Variants in LRRC39 observed in about 807,000 individuals in gnomAD.
LRRC39 encodes the protein leucine-rich repeat-containing protein 39.
In LRRC39, 35 loss-of-function variants were observed where a neutral mutation model predicts 39.7. That is an observed-to-expected ratio of 0.88 (90% CI 0.67 to 1.17). The LOEUF (loss-of-function observed/expected upper bound fraction) is 1.17, where lower values mean the gene tolerates loss of function less well. Among genes scored for constraint, LRRC39 ranks in the 50% most tolerant of loss-of-function variants. The pLI is 0.00. For synonymous variants in LRRC39, 113 were observed against 134.1 expected, an observed-to-expected ratio of 0.84 and a Z score of 1.09; for missense variants, 357 against 385.8, an observed-to-expected ratio of 0.93 and a Z score of 0.62.
Position 100,148,835 on chromosome 1 carries a change from G to A in LRRC39, c.*207C>T, listed in dbSNP as rs761405899. ...CAACTGCTTAATGGAAAAGAAATTT[G>A]AGCATCATCTGTCTTCCACCAAAAA... On this transcript the variant is annotated 3_prime_UTR_variant, in exon 10 of 10. Coordinates refer to ENST00000370137, the MANE Select transcript of LRRC39 (RefSeq NM_144620.4). The A allele has an allele frequency of 2.1e-6, 3 of 1,423,990 alleles. No individual in the cohort carries two copies. The highest frequency in any genetic ancestry group is 2.8e-6 in the Non-Finnish European group (3 of 1,085,332). 88.2% of individuals were successfully genotyped at this position (1,423,990 alleles called of 1,614,324 possible).
At chr1:100,160,438 G>A (rs749156412) in intron 4 of LRRC39, 28 bp downstream of exon 4, 3 of 1,584,924 alleles carry the variant, frequency 1.9e-6, no homozygotes, top group Non-Finnish European at 2.6e-6. Context: ...GCAAAATGTG[G>A]AAAATCAAAT....
chr1:100,178,802 G>C (rs1660110224), upstream of LRRC39, among the ~76,000 whole-genome samples: 1 of 151,950 alleles, frequency 6.6e-6, no homozygotes, highest in Admixed American at 6.6e-5. Context: ...GAATTCAAAA[G>C]CTCAATCTCC....
chr1:100,168,002 T>A (rs1338736337), intron 3 of LRRC39, among the ~76,000 whole-genome samples: 1 of 151,982 alleles, frequency 6.6e-6, no homozygotes, highest in Non-Finnish European at 1.5e-5. Context: ...GATCAAGGAA[T>A]CAAGTGATCC....
intron 3 of LRRC39, among the ~76,000 whole-genome samples, chr1:100,163,201 G>A (rs1239026215): frequency 2.0e-5 from 3 of 152,046 alleles, no homozygotes; most frequent in Non-Finnish European, 4.4e-5. Flanking sequence ...TGGGCTTAAT[G>A]GTTATTATTA....
chr1:100,164,896 G>T (rs868706035), intron 3 of LRRC39, among the ~76,000 whole-genome samples: 46 of 151,794 alleles, frequency 3.0e-4, no homozygotes, highest in Middle Eastern at 3.4e-3. Flanking sequence ...TTAGAGATGG[G>T]GTCTCGCTAT....
chr1:100,179,556 A>C (rs1007709525), upstream of LRRC39, among the ~76,000 whole-genome samples: 1 of 146,894 alleles, frequency 6.8e-6, no homozygotes, highest in Non-Finnish European at 1.5e-5. Flanking sequence ...CCCTGTCTCC[A>C]TAAAAATAAA....
chr1:100,159,471 G>T, intron 4 of LRRC39, 56 bp from the exon 5 acceptor site: 1 of 1,335,568 alleles, frequency 7.5e-7, no homozygotes, highest in Non-Finnish European at 9.9e-7. Context: ...TTAGTATCAC[G>T]CCACCCTGAA....
chr1:100,153,216 T>G (rs558467992), intron 8 of LRRC39, among the ~76,000 whole-genome samples: 5 of 152,206 alleles, frequency 3.3e-5, no homozygotes, highest in Non-Finnish European at 7.3e-5. Flanking sequence ...ATTATTTTGT[T>G]ATCGAAGTTT....
intron 9 of LRRC39, chr1:100,150,096 A>T (rs1444491601): frequency 1.3e-5 from 2 of 152,464 alleles, no homozygotes; most frequent in African/African-American, 4.8e-5. Context: ...GGGGATGATG[A>T]TGATAACAAT....
intron 6 of LRRC39, 43 bp from the exon 7 acceptor site, chr1:100,156,360 G>C: frequency 1.3e-6 from 2 of 1,556,164 alleles, no homozygotes; most frequent in Non-Finnish European, 1.7e-6. Context: ...TGTCCACAAT[G>C]TAAACTACTA....
intron 3 of LRRC39, among the ~76,000 whole-genome samples, chr1:100,166,094 A>G (rs1659227312): frequency 6.6e-6 from 1 of 151,944 alleles, no homozygotes; most frequent in Non-Finnish European, 1.5e-5. Context: ...GTCATGTAAG[A>G]TGTCCCTTTG....
intron 3 of LRRC39, among the ~76,000 whole-genome samples, chr1:100,163,345 T>C (rs531749198): frequency 1.1e-4 from 16 of 152,222 alleles, no homozygotes; most frequent in Non-Finnish European, 2.1e-4. Context: ...TACAAAAAGC[T>C]CTGTTGTTAC....
rs536606034 is a variant in LRRC39 at position 100,155,217 on chromosome 1, G to A, written c.660-14C>T. On this transcript the variant is annotated splice_polypyrimidine_tract_variant and intron_variant, in intron 7 of 9. Transcript: ENST00000370137. The stretch of plus-strand genomic sequence containing the variant: ...AGATTTTGCATTCTGAAAAATTAAG[G>A]TTTCTACAATTAATTACATATAATA... 2.6e-6 allele frequency: 4 copies of A among 1,565,246 alleles called. No individual in the cohort carries two copies. The East Asian group carries it at 6.8e-5, about 27-fold the overall frequency.
Position 100,168,413 on chromosome 1 carries a change from A to G in LRRC39, c.104T>C (p.Phe35Ser). 6.2e-7 allele frequency: 1 copy of G among 1,605,132 alleles called. No individual in the cohort carries two copies. The highest frequency in any genetic ancestry group is 1.1e-5 in the South Asian group (1 of 89,018). ...ATATGTTTTAGCATACTTGTGTTGAAATTCCTTCTCTCGCTTCAGGTCTTC... is the reference window on the plus strand; with the variant it reads ...ATATGTTTTAGCATACTTGTGTTGAGATTCCTTCTCTCGCTTCAGGTCTTC... Reference protein sequence around the residue: ...LNEDLKREKEFQHKLVRIWEE... With the variant: ...LNEDLKREKESQHKLVRIWEE... The change falls in exon 3 of 10, where the codon TTT becomes TCT. Residue 35 changes from phenylalanine (F) to serine (S), a missense_variant. Physicochemically the swap from Phe to Ser is radical, Grantham distance 155. Coordinates refer to ENST00000370137, the MANE Select transcript of LRRC39 (RefSeq NM_144620.4).
chr1:100,161,141 A>G (rs1468761720), intron 3 of LRRC39, among the ~76,000 whole-genome samples: 1 of 152,202 alleles, frequency 6.6e-6, no homozygotes, highest in Non-Finnish European at 1.5e-5. Context: ...TTTTAAGTAC[A>G]CAATTCAGTA....
upstream of LRRC39, among the ~76,000 whole-genome samples, chr1:100,179,589 T>A (rs1278835191): frequency 2.1e-5 from 3 of 145,028 alleles, no homozygotes; most frequent in Non-Finnish European, 4.5e-5. Context: ...AAAATAAAAC[T>A]AGCCAGGTGT....
At chr1:100,150,669 T>C (rs570433135) in intron 9 of LRRC39, among the ~76,000 whole-genome samples, 1 of 152,306 alleles carries the variant, frequency 6.6e-6, no homozygotes, top group East Asian at 1.9e-4. Context: ...GATTATTGTT[T>C]TCCTAACTGT....
chr1:100,149,244 G>C, intron 9 of LRRC39, 147 bp from the exon 10 acceptor site: 1 of 1,503,684 alleles, frequency 6.7e-7, no homozygotes. Context: ...GCCAATCTGA[G>C]AATTTGACTT....
chr1:100,154,263 A>G (rs1008495674), intron 8 of LRRC39, among the ~76,000 whole-genome samples: 2 of 152,174 alleles, frequency 1.3e-5, no homozygotes, highest in African/African-American at 4.8e-5. Context: ...CTGCAAAACA[A>G]TTGGCAATTT....
Sources: allele counts gnomAD v4.1 joint callset (sites outside exome capture counted in the v4.1 genomes callset), GRCh38; gene constraint gnomAD v4.1.1; transcripts MANE v1.5; gene names NCBI Gene and HGNC (gene_info 2026-07-23, HGNC 2026-07-21).